Variants in ATP11C observed in about 807,000 individuals in gnomAD.
The protein encoded by ATP11C is ATPase phospholipid transporting 11C (ATP11C blood group).
In ATP11C, 36 loss-of-function variants were observed where a neutral mutation model predicts 97.4. The observed-to-expected ratio is 0.37, with a 90% CI of 0.28 to 0.49. ATP11C has a LOEUF of 0.49. Ranked by LOEUF, ATP11C falls within the 20% of genes least tolerant of loss-of-function variation. The probability of loss-of-function intolerance (pLI) is 0.98; values close to 1 mark genes in which losing one functional copy is unlikely to be tolerated. For synonymous variants in ATP11C, 275 were observed against 290.9 expected (o/e 0.95, Z 0.56); for missense variants, 730 against 824.6 (o/e 0.89, Z 1.40).
intron 1 of ATP11C, among the ~76,000 whole-genome samples, chrX:139,894,708 C>T (rs1370114161): frequency 8.9e-6 from 1 of 111,744 alleles, no homozygotes; most frequent in Admixed American, 9.5e-5. Flanking sequence ...TTGATCATTA[C>T]ACATTTTATG....
At chrX:139,844,047 A>G (rs956562088) in intron 1 of ATP11C, among the ~76,000 whole-genome samples, 1 of 112,109 alleles carries the variant, frequency 8.9e-6, no homozygotes, top group African/African-American at 3.2e-5. Flanking sequence ...TTGTTTAACT[A>G]AAAAACATAT....
intron 16 of ATP11C, among the ~76,000 whole-genome samples, chrX:139,783,803 G>T (rs1216032031): frequency 9.1e-6 from 1 of 109,781 alleles, no homozygotes; most frequent in Non-Finnish European, 1.9e-5. Context: ...AGCCCAGGAT[G>T]TCAAGGCTGC....
chrX:139,799,699 G>T (rs1265889592), intron 8 of ATP11C, among the ~76,000 whole-genome samples: 1 of 94,223 alleles, frequency 1.1e-5, no homozygotes, highest in Admixed American at 1.2e-4. Flanking sequence ...GTTGCCCAGG[G>T]TACAGTGCAA....
intron 1 of ATP11C, among the ~76,000 whole-genome samples, chrX:139,913,417 C>A (rs2085106815): frequency 8.9e-6 from 1 of 111,761 alleles, no homozygotes; most frequent in Non-Finnish European, 1.9e-5. Context: ...AAACAGTATA[C>A]CCCTATTAAA....
chrX:139,835,215 C>A (rs750419370), intron 1 of ATP11C, among the ~76,000 whole-genome samples: 11 of 111,605 alleles, frequency 9.9e-5, no homozygotes, highest in Non-Finnish European at 1.1e-4. Flanking sequence ...TGGCTATGAT[C>A]CCAGGTGGGT....
intron 1 of ATP11C, among the ~76,000 whole-genome samples, chrX:139,900,994 G>A (rs952198443): frequency 8.9e-6 from 1 of 111,922 alleles, no homozygotes; most frequent in Non-Finnish European, 1.9e-5. Context: ...TTGGAAGGCT[G>A]CTACTTAGAT....
At chrX:139,930,129 A>T (rs2085409557) in intron 1 of ATP11C, among the ~76,000 whole-genome samples, 1 of 111,426 alleles carries the variant, frequency 9.0e-6, no homozygotes, top group African/African-American at 3.3e-5. Context: ...TCATTTCAGT[A>T]TTAGCAAAAG....
intron 1 of ATP11C, among the ~76,000 whole-genome samples, chrX:139,852,425 G>A (rs1052789488): frequency 2.9e-4 from 20 of 69,166 alleles, no homozygotes; most frequent in Non-Finnish European, 1.9e-4. Context: ...CACCCAGTGC[G>A]AGGAATAACC....
At chrX:139,794,494 T>C (rs897153197) in intron 12 of ATP11C, among the ~76,000 whole-genome samples, 4 of 112,289 alleles carry the variant, frequency 3.6e-5, no homozygotes, top group Admixed American at 9.5e-5. Context: ...ACTGTATTAA[T>C]TGAAGTGATG....
At chrX:139,873,693 C>A (rs1275187505) in intron 1 of ATP11C, among the ~76,000 whole-genome samples, 1 of 74,134 alleles carries the variant, frequency 1.3e-5, no homozygotes, top group African/African-American at 6.1e-5. Context: ...GGTAACAGAG[C>A]GAGACTCCAA....
chrX:139,871,185 G>A (rs2084370579), intron 1 of ATP11C, among the ~76,000 whole-genome samples: 2 of 110,274 alleles, frequency 1.8e-5, no homozygotes, highest in Non-Finnish European at 3.8e-5. Flanking sequence ...AATGAAGTGT[G>A]GATATAAACT....
intron 5 of ATP11C, among the ~76,000 whole-genome samples, chrX:139,807,997 G>A (rs2083082529): frequency 9.2e-6 from 1 of 108,324 alleles, no homozygotes; most frequent in South Asian, 4.1e-4. Context: ...ACGGTATTTA[G>A]TGGAAAAGGT....
At chrX:139,743,652 C>A (rs776561905) in intron 25 of ATP11C, 28 bp from the exon 26 acceptor site, 1 of 908,958 alleles carries the variant, frequency 1.1e-6, no homozygotes, top group African/African-American at 2.0e-5. Context: ...ATTACATGTA[C>A]CATGTATATA....
chrX:139,792,427 G>T (rs779444284), intron 12 of ATP11C, among the ~76,000 whole-genome samples: 6 of 110,811 alleles, frequency 5.4e-5, no homozygotes, highest in Admixed American at 1.9e-4. Context: ...AATCCAAGGA[G>T]GGGGTCTAGT....
At chrX:139,845,842 C>T (rs996904096) in intron 1 of ATP11C, among the ~76,000 whole-genome samples, 8 of 112,104 alleles carry the variant, frequency 7.1e-5, no homozygotes, top group Admixed American at 6.6e-4. Flanking sequence ...TTTTAAAACA[C>T]GCTTATGCTT....
intron 26 of ATP11C, among the ~76,000 whole-genome samples, chrX:139,742,850 A>T: frequency 1.6e-5 from 1 of 63,263 alleles, no homozygotes. Context: ...ATTTTTTTAT[A>T]TTTATTTTTA....
intron 2 of ATP11C, among the ~76,000 whole-genome samples, chrX:139,822,564 C>T (rs1370529449): frequency 9.0e-6 from 1 of 111,380 alleles, no homozygotes; most frequent in Admixed American, 9.5e-5. Context: ...CAGGCATACG[C>T]CAACACACCC....
intron 1 of ATP11C, among the ~76,000 whole-genome samples, chrX:139,886,047 GA>G: frequency 9.1e-6 from 1 of 109,964 alleles, no homozygotes; most frequent in Non-Finnish European, 1.9e-5. Flanking sequence ...ATAAGGTACA[GA>G]AAAAAAATAC....
upstream of ATP11C, among the ~76,000 whole-genome samples, chrX:139,933,257 C>G (rs1465804817): frequency 2.7e-5 from 3 of 111,131 alleles, no homozygotes. Context: ...AAGAAGGAAG[C>G]GCGGGCTGAA....
Sources: gnomAD v4.1 joint callset for allele counts (sites outside exome capture counted in the v4.1 genomes callset) on GRCh38, gnomAD v4.1.1 for gene constraint, MANE v1.5 for transcripts, NCBI Gene and HGNC (gene_info 2026-07-23, HGNC 2026-07-21) for gene names.